The following STK10 variants were observed in gnomAD, a reference collection of about 807,000 sequenced individuals.
The protein encoded by STK10 is serine/threonine-protein kinase 10.
STK10 carries 78 observed loss-of-function variants against 113.8 expected under a neutral mutation model. The observed-to-expected ratio is 0.69, with a 90% confidence interval of 0.57 to 0.83. STK10 has a LOEUF of 0.83. Among genes scored for constraint, STK10 ranks in the 40% least tolerant of loss-of-function variants. The probability of loss-of-function intolerance (pLI) is 0.00; values close to 1 mark genes in which losing one functional copy is unlikely to be tolerated. For synonymous variants in STK10, 465 were observed against 494.7 expected, an observed-to-expected ratio of 0.94 and a Z score of 0.80; for missense variants, 1,109 against 1,280.1, an observed-to-expected ratio of 0.87 and a Z score of 2.04.
At chr5:172,059,122 C>T (rs1307240273) in intron 14 of STK10, among the ~76,000 whole-genome samples, 2 of 150,506 alleles carry the variant, frequency 1.3e-5, no homozygotes, top group Admixed American at 1.3e-4. Context: ...CCCAGCTACT[C>T]AGGAGGCTGA....
intron 6 of STK10, 52 bp downstream of exon 6, chr5:172,106,568 C>A: frequency 6.4e-7 from 1 of 1,554,220 alleles, no homozygotes. Context: ...CATATTCCAG[C>A]CCTAATCCCG....
Position 172,086,945 on chromosome 5 carries a change from C to A in STK10, c.1685+3287G>T, listed in dbSNP as rs1433093507. ...GGGGTGTGGCCAATCTAGAATTTATCCCTGAGAACTTCAATTGCCCAGAGG... is the reference window on the plus strand; with the variant it reads ...GGGGTGTGGCCAATCTAGAATTTATACCTGAGAACTTCAATTGCCCAGAGG... On this transcript the variant is annotated intron_variant, in intron 10 of 18. Coordinates refer to ENST00000176763, the MANE Select transcript of STK10 (RefSeq NM_005990.4). Among the ~76,000 whole-genome samples, 3 of 152,272 alleles carry A rather than the reference C, an allele frequency of 2.0e-5. No individual in the cohort carries two copies. The East Asian group carries it at 5.8e-4, about 29-fold the overall frequency.
rs559014648 is a variant in STK10 at position 172,187,606 on chromosome 5, G to A, written c.156+281C>T. On this transcript the variant is annotated intron_variant, in intron 1 of 18. Transcript: ENST00000176763. The surrounding 1 kb of genome is among the most constrained non-coding windows in gnomAD (Gnocchi z 4.6). ...TCAACGCCCCTTTGTCTCCCCGTGC[G>A]GCGCCGAGCGCAGTGCAGGACACAC... Among the ~76,000 whole-genome samples, 2 of 152,186 alleles carry A rather than the reference G, an allele frequency of 1.3e-5. No individual in the cohort carries two copies. Among genetic ancestry groups the A allele is most frequent in the Admixed American group, 1.3e-4 (2 of 15,282 alleles).
intron 8 of STK10, 32 bp downstream of exon 8, chr5:172,096,393 GC>G: frequency 1.2e-6 from 2 of 1,605,382 alleles, no homozygotes. Context: ...TGTCCTCCCA[GC>G]CCCCGCTAAG....
chr5:172,139,962 C>G (rs1345881086), intron 2 of STK10, among the ~76,000 whole-genome samples: 2 of 148,066 alleles, frequency 1.4e-5, no homozygotes, highest in African/African-American at 2.5e-5. Flanking sequence ...AAAAGTTCTG[C>G]ACAGCAAAGG....
intron 12 of STK10, among the ~76,000 whole-genome samples, chr5:172,066,823 C>T (rs1207243085): frequency 6.6e-6 from 1 of 152,138 alleles, no homozygotes; most frequent in Non-Finnish European, 1.5e-5. Context: ...AGGGAAATTC[C>T]TAACTGTGTG....
In STK10 at chr5:172,158,878, G is replaced by A. The variant is rs150600622; in HGVS notation, c.157-2090C>T. Among the ~76,000 whole-genome samples the A allele has an allele frequency of 6.8e-4, 104 of 152,240 alleles. No individual in the cohort carries two copies. In the East Asian group the frequency reaches 0.018, roughly 27 times the overall value. On this transcript the variant is annotated intron_variant, in intron 1 of 18. Coordinates refer to ENST00000176763, the MANE Select transcript of STK10 (RefSeq NM_005990.4). ...GAAAGTAGAATAGAGGTTTCCAGGG[G>A]TTAGAAAGGGGAAATGGGGAGTTAT...
rs1769798544 is a variant in STK10, at chr5:172,133,575, G to A, written c.322-6154C>T. ...TGAGTTGTGCTTGATGGTGTGGAAT[G>A]CCACGTCGTCTCACTCTGGAGCTAA... On this transcript the variant is annotated intron_variant, in intron 2 of 18. Transcript: ENST00000176763. This position sits in a 1 kb window ranked among gnomAD's most constrained non-coding sequence, Gnocchi z 4.9. Among the ~76,000 whole-genome samples, 1 of 152,156 alleles carries A rather than the reference G, an allele frequency of 6.6e-6. No homozygotes were observed.
intron 4 of STK10, among the ~76,000 whole-genome samples, chr5:172,113,395 G>A (rs944385044): frequency 1.3e-5 from 2 of 152,152 alleles, no homozygotes; most frequent in African/African-American, 2.4e-5. Context: ...GCATGATTTC[G>A]TAAAGATGAT....
intron 3 of STK10, among the ~76,000 whole-genome samples, chr5:172,118,956 TTCTC>T (rs1323467477): frequency 1.3e-5 from 2 of 151,460 alleles, no homozygotes; most frequent in African/African-American, 4.9e-5. Flanking sequence ...AGGAAGCTTT[TTCTC>T]TCTCTCTTCT....
chr5:172,169,674 A>G (rs1581189199), intron 1 of STK10, among the ~76,000 whole-genome samples: 1 of 152,174 alleles, frequency 6.6e-6, no homozygotes, highest in Admixed American at 6.5e-5. Context: ...TCTTTCCAAA[A>G]GGCACTTGAG....
intron 1 of STK10, among the ~76,000 whole-genome samples, chr5:172,159,989 A>T (rs1192629973): frequency 6.6e-6 from 1 of 151,772 alleles, no homozygotes; most frequent in East Asian, 1.9e-4. Flanking sequence ...TACAAAAATT[A>T]GCTGGGCGTG....
At chr5:172,056,971 GAAAGAA>G (rs1183872574) in intron 15 of STK10, 9 of 97,296 alleles carry the variant, frequency 9.3e-5, no homozygotes, top group African/African-American at 4.0e-4. Flanking sequence ...AAGAAAGAAA[GAAAGAA>G]AGAAAGAAAG....
rs1299390838 is a variant in STK10 at position 172,187,899 on chromosome 5, G to A, written c.144C>T (p.Gly48=). The change falls in exon 1 of 19, where the codon GGC becomes GGT. Residue 48 remains glycine, a synonymous_variant. Transcript: ENST00000176763. The surrounding 1 kb of genome is among the most constrained non-coding windows in gnomAD (Gnocchi z 4.6). The part of the protein sequence containing the change: ...IVGELGDGAF[G]KVYKAKNKET... ...TCAGCGCCCTCACCTTGTAAACCTT[G>A]CCGAAGGCGCCGTCGCCCAGCTCGC... 1 of 1,612,856 alleles carries A rather than the reference G, an allele frequency of 6.2e-7. No homozygotes were observed. Among genetic ancestry groups the A allele is most frequent in the African/African-American group, 1.3e-5 (1 of 74,902 alleles).
intron 12 of STK10, among the ~76,000 whole-genome samples, chr5:172,071,623 C>T (rs1182439092): frequency 6.6e-6 from 1 of 152,156 alleles, no homozygotes; most frequent in Non-Finnish European, 1.5e-5. Context: ...ACAGCTACTA[C>T]AGCTGTGCAC....
intron 12 of STK10, among the ~76,000 whole-genome samples, chr5:172,067,440 A>C (rs1581138719): frequency 6.6e-6 from 1 of 151,944 alleles, no homozygotes; most frequent in South Asian, 2.1e-4. Context: ...ACAATAAAAA[A>C]TTACTCTACA....
rs564610820 is a variant in STK10 at position 172,158,738 on chromosome 5, A to G, written c.157-1950T>C. On this transcript the variant is annotated intron_variant, in intron 1 of 18. Transcript: ENST00000176763. ...AAAAAGGAAGGCAATTCTGACACAAACTACATGGATGAATCCTGAAAACAT... is the reference window on the plus strand; with the variant it reads ...AAAAAGGAAGGCAATTCTGACACAAGCTACATGGATGAATCCTGAAAACAT... 3.3e-5 allele frequency among the ~76,000 whole-genome samples: 5 copies of G among 152,360 alleles called. No individual in the cohort carries two copies. The South Asian group carries it at 1.0e-3, about 32-fold the overall frequency.
chr5:172,097,938 G>A (rs948322321), intron 7 of STK10, among the ~76,000 whole-genome samples: 3 of 152,192 alleles, frequency 2.0e-5, no homozygotes, highest in African/African-American at 7.2e-5. Flanking sequence ...GGGCACCCGG[G>A]TATAGCCAGG....
Position 172,082,628 on chromosome 5 carries a change from C to T in STK10, c.1810-123G>A. 7.8e-7 allele frequency: 1 copy of T among 1,278,998 alleles called. No homozygotes were observed. Among genetic ancestry groups the T allele is most frequent in the Non-Finnish European group, 1.1e-6 (1 of 948,182 alleles). The allele number at this position is 1,278,998 out of a possible 1,614,324, so 79.2% of individuals were successfully genotyped here. The stretch of plus-strand genomic sequence containing the variant: ...GACCTAAGCTTGAATCCCAGCTCTA[C>T]TACCCCGTTGCTGTGTGACCTGGGG... On this transcript the variant is annotated intron_variant, in intron 11 of 18. Transcript: ENST00000176763. The surrounding 1 kb of genome is among the most constrained non-coding windows in gnomAD (Gnocchi z 4.3).
Sources: gnomAD v4.1 joint callset for allele counts (sites outside exome capture counted in the v4.1 genomes callset) on GRCh38, gnomAD v4.1.1 for gene constraint, Gnocchi (gnomAD v3.1) non-coding constraint, MANE v1.5 for transcripts, NCBI Gene and HGNC (gene_info 2026-07-23, HGNC 2026-07-21) for gene names.